EHMT1: variants seen among roughly 807,000 people sequenced by gnomAD.
The protein encoded by EHMT1 is euchromatic histone lysine methyltransferase 1.
A neutral mutation model predicts 147.2 loss-of-function variants in EHMT1; 15 were observed. The ratio of observed to expected loss-of-function variants is 0.10; its 90% CI spans 0.07 to 0.16. The LOEUF (loss-of-function observed/expected upper bound fraction) is 0.16. Among genes scored for constraint, EHMT1 ranks in the 10% least tolerant of loss-of-function variants. The pLI is 1.00. For missense variants in EHMT1, 1,587 were observed against 1,772.4 expected, an observed-to-expected ratio of 0.90 and a Z score of 1.88; for synonymous variants, 795 against 709.6, an observed-to-expected ratio of 1.12 and a Z score of -1.91.
chr9:137,680,427 T>C (rs151088943), intron 1 of EHMT1, among the ~76,000 whole-genome samples: 4 of 152,288 alleles, frequency 2.6e-5, no homozygotes, highest in African/African-American at 9.6e-5. Flanking sequence ...GGGCTGAAAT[T>C]GTGCCACTGC....
At position 137,811,470 on chromosome 9, in the gene EHMT1, A is replaced by G. The variant is rs1383172768; in HGVS notation, c.2722A>G (p.Ile908Val). Reference protein sequence around the residue: ...DINIRDNEENICLHWAAFSGC... With the variant: ...DINIRDNEENVCLHWAAFSGC... ...GCTTGTGTCTGTTCAGGAGGAGAAC[A>G]TTTGCCTGCACTGGGCGGCGTTCTC... is the stretch of plus-strand genomic sequence containing the variant. Residue 908 changes from isoleucine to valine, a missense_variant, in exon 19 of 27, where the codon ATT becomes GTT. Around this residue, in one of 7 missense-constraint regions of EHMT1, gnomAD observed 201 missense variants for 350.1 expected, o/e 0.57. Transcript: ENST00000460843. The G allele has an allele frequency of 6.2e-7, 1 of 1,612,546 alleles. No individual in the cohort carries two copies. Among genetic ancestry groups the G allele is most frequent in the Non-Finnish European group, 8.5e-7 (1 of 1,180,000 alleles).
chr9:137,707,796 G>A (rs963568156), intron 1 of EHMT1, among the ~76,000 whole-genome samples: 6 of 152,232 alleles, frequency 3.9e-5, no homozygotes, highest in Non-Finnish European at 1.5e-5. Context: ...GGGACAGCAT[G>A]TGAGGGGCAC....
intron 15 of EHMT1, among the ~76,000 whole-genome samples, chr9:137,789,784 C>G (rs1952372501): frequency 6.6e-6 from 1 of 152,252 alleles, no homozygotes; most frequent in African/African-American, 2.4e-5. Context: ...GGCTGGAGTG[C>G]AGTGGTGCAA....
At chr9:137,723,913 G>A (rs900830582) in intron 3 of EHMT1, among the ~76,000 whole-genome samples, 3 of 152,224 alleles carry the variant, frequency 2.0e-5, no homozygotes, top group Non-Finnish European at 4.4e-5. Flanking sequence ...CCATCATAAA[G>A]CCCCAGCTCA....
chr9:137,669,478 C>A (rs1247905403), intron 1 of EHMT1, among the ~76,000 whole-genome samples: 1 of 81,812 alleles, frequency 1.2e-5, no homozygotes. Flanking sequence ...ACGCCCCCCA[C>A]AGCACGTGCA....
intron 3 of EHMT1, among the ~76,000 whole-genome samples, chr9:137,724,345 CG>C (rs1946383534): frequency 6.6e-6 from 1 of 152,110 alleles, no homozygotes; most frequent in African/African-American, 2.4e-5. Flanking sequence ...GGAAGAGCCT[CG>C]GGGAAGGGCT....
At chr9:137,671,607 C>T (rs1257278204) in intron 1 of EHMT1, among the ~76,000 whole-genome samples, 3 of 150,568 alleles carry the variant, frequency 2.0e-5, no homozygotes, top group Non-Finnish European at 2.9e-5. Flanking sequence ...TCATTGCAAC[C>T]TCTGCCTCTC....
At chr9:137,753,165 G>C (rs1949108051) in intron 7 of EHMT1, among the ~76,000 whole-genome samples, 1 of 152,166 alleles carries the variant, frequency 6.6e-6, no homozygotes, top group South Asian at 2.1e-4. Context: ...TGGGGGGAAA[G>C]CTCGGCAAGT....
intron 1 of EHMT1, among the ~76,000 whole-genome samples, chr9:137,664,497 C>T (rs1939422929): frequency 6.6e-6 from 1 of 151,826 alleles, no homozygotes; most frequent in Admixed American, 6.6e-5. Flanking sequence ...GGAGCTCAGG[C>T]GATCTGCCCC....
chr9:137,753,757 T>TCTCTGTG, intron 7 of EHMT1, among the ~76,000 whole-genome samples: 1 of 152,324 alleles, frequency 6.6e-6, no homozygotes, highest in South Asian at 2.1e-4. Context: ...CTGTCCTTGT[T>TCTCTGTG]CTCTGTGTAG....
intron 16 of EHMT1, among the ~76,000 whole-genome samples, chr9:137,793,218 A>G (rs561619749): frequency 6.6e-6 from 1 of 152,378 alleles, no homozygotes; most frequent in African/African-American, 2.4e-5. Flanking sequence ...AGAATATATA[A>G]AGAGGTTGTA....
At chr9:137,801,035 C>G in intron 18 of EHMT1, 51 bp downstream of exon 18, 1 of 1,532,008 alleles carries the variant, frequency 6.5e-7, no homozygotes, top group Non-Finnish European at 9.0e-7. Context: ...GGGTGGGGAC[C>G]TCCTCCCCCA....
At chr9:137,688,039 T>C (rs1036288711) in intron 1 of EHMT1, among the ~76,000 whole-genome samples, 2 of 152,250 alleles carry the variant, frequency 1.3e-5, no homozygotes, top group African/African-American at 4.8e-5. Flanking sequence ...TTGGAATTTT[T>C]TTTAGATGGA....
intron 15 of EHMT1, among the ~76,000 whole-genome samples, chr9:137,789,639 G>A (rs1486294251): frequency 6.6e-6 from 1 of 152,240 alleles, no homozygotes; most frequent in Non-Finnish European, 1.5e-5. Flanking sequence ...CTTGGTCTGT[G>A]GACCCTGCGT....
intron 1 of EHMT1, among the ~76,000 whole-genome samples, chr9:137,700,114 A>G (rs1220202418): frequency 6.6e-6 from 1 of 152,260 alleles, no homozygotes; most frequent in Middle Eastern, 3.2e-3. Context: ...GGTCACTGGC[A>G]TGAATATAGC....
At chr9:137,644,227 G>A (rs1311083729) in intron 1 of EHMT1, among the ~76,000 whole-genome samples, 1 of 152,146 alleles carries the variant, frequency 6.6e-6, no homozygotes, top group Non-Finnish European at 1.5e-5. Context: ...AAGCAGCCAC[G>A]GGCAATACGT....
chr9:137,747,880 C>G (rs567902608), intron 6 of EHMT1: 2 of 150,770 alleles, frequency 1.3e-5, no homozygotes, highest in Non-Finnish European at 3.0e-5. Flanking sequence ...AGTGCTAACT[C>G]TGTAGGATGG....
At chr9:137,767,516 A>C (rs1004655760) in intron 10 of EHMT1, among the ~76,000 whole-genome samples, 2 of 152,216 alleles carry the variant, frequency 1.3e-5, no homozygotes, top group African/African-American at 4.8e-5. Context: ...TGCATCCCAA[A>C]TTCAAAAATC....
chr9:137,772,623 G>A (rs148107013), intron 10 of EHMT1, among the ~76,000 whole-genome samples: 1 of 152,352 alleles, frequency 6.6e-6, no homozygotes, highest in Non-Finnish European at 1.5e-5. Context: ...GCAGGTTTGG[G>A]TTATCTCTAC....
Sources: allele counts gnomAD v4.1 joint callset (sites outside exome capture counted in the v4.1 genomes callset), GRCh38; gene constraint gnomAD v4.1.1; regional missense constraint gnomAD v4.1.1; transcripts MANE v1.5; gene names NCBI Gene and HGNC (gene_info 2026-07-23, HGNC 2026-07-21).